Variants in LRRTM3 observed in about 807,000 individuals in gnomAD.
LRRTM3 encodes the protein leucine-rich repeat transmembrane neuronal protein 3.
Under a neutral mutation model 44.7 loss-of-function variants are expected in LRRTM3, and 24 were observed. The ratio of observed to expected loss-of-function variants is 0.54; its 90% CI spans 0.39 to 0.76. The LOEUF (loss-of-function observed/expected upper bound fraction) is 0.76, where lower values mean the gene tolerates loss of function less well. Among genes scored for constraint, LRRTM3 ranks in the 30% least tolerant of loss-of-function variants. The pLI is 0.00. For missense variants in LRRTM3, 587 were observed against 702.2 expected (o/e 0.84, Z 1.85); for synonymous variants, 277 against 278.7 (o/e 0.99, Z 0.06).
chr10:66,996,927 A>C (rs1851387517), intron 2 of LRRTM3, among the ~76,000 whole-genome samples: 1 of 152,100 alleles, frequency 6.6e-6, no homozygotes, highest in African/African-American at 2.4e-5. Context: ...TGTGAGTACT[A>C]CTGGTTTGTG....
chr10:67,076,139 G>C lies in LRRTM3; in HGVS notation c.1537-21448G>C, dbSNP rs187480028. 2.7e-3 allele frequency among the ~76,000 whole-genome samples: 411 copies of C among 152,298 alleles called. 1 individual carries two copies. Among genetic ancestry groups the C allele is most frequent in the African/African-American group, 9.2e-3 (384 of 41,554 alleles). ...GAGGGTGGACCTTTTAAGCTCCCCT[G>C]TATTACAAAGTGAATAATTTCAGAA... On this transcript the variant is annotated intron_variant, in intron 2 of 2. Coordinates refer to ENST00000361320, the MANE Select transcript of LRRTM3 (RefSeq NM_178011.5).
At chr10:67,021,217 GA>G (rs35352573) in intron 2 of LRRTM3, among the ~76,000 whole-genome samples, 19 of 151,490 alleles carry the variant, frequency 1.3e-4, no homozygotes, top group Admixed American at 2.6e-4. Flanking sequence ...ACAATACTGG[GA>G]AAAAAAAGCT....
At chr10:66,987,656 G>A (rs1311915469) in intron 2 of LRRTM3, among the ~76,000 whole-genome samples, 3 of 152,064 alleles carry the variant, frequency 2.0e-5, no homozygotes, top group African/African-American at 7.2e-5. Flanking sequence ...AGTTAACTTT[G>A]GAACACCATT....
chr10:67,031,027 A>C (rs556428811), intron 2 of LRRTM3, among the ~76,000 whole-genome samples: 1 of 152,114 alleles, frequency 6.6e-6, no homozygotes, highest in Non-Finnish European at 1.5e-5. Context: ...AAATAAATAA[A>C]TAACTTAGCT....
At chr10:67,022,940 A>AAAATAAAT (rs578243915) in intron 2 of LRRTM3, among the ~76,000 whole-genome samples, 1 of 152,130 alleles carries the variant, frequency 6.6e-6, no homozygotes, top group Non-Finnish European at 1.5e-5. Context: ...TGTGTCTCAA[A>AAAATAAAT]AAATAAATAA....
Position 67,100,997 on chromosome 10 carries a change from C to T in LRRTM3, c.*3201C>T, listed in dbSNP as rs760706333. Among the ~76,000 whole-genome samples the T allele has an allele frequency of 1.3e-5, 2 of 151,608 alleles. No homozygotes were observed. Among genetic ancestry groups the T allele is most frequent in the Non-Finnish European group, 3.0e-5 (2 of 67,768 alleles). ...TATATTTGACATGTTGTTTAGTAAT[C>T]CCTATTTTAATTCAATTCTCCATCT... is the stretch of plus-strand genomic sequence containing the variant. On this transcript the variant is annotated 3_prime_UTR_variant, in exon 3 of 3. Transcript: ENST00000361320.
intron 2 of LRRTM3, among the ~76,000 whole-genome samples, chr10:67,091,788 C>A (rs1484435923): frequency 6.6e-6 from 1 of 151,868 alleles, no homozygotes; most frequent in Admixed American, 6.6e-5. Context: ...AGTAGATGGG[C>A]AACAAGTAGA....
chr10:67,058,019 C>G (rs187552870), intron 2 of LRRTM3, among the ~76,000 whole-genome samples: 1 of 152,292 alleles, frequency 6.6e-6, no homozygotes, highest in Admixed American at 6.5e-5. Context: ...TTCCCCACAT[C>G]ATAGACACAC....
intron 2 of LRRTM3, chr10:67,052,749 CA>C (rs1855188566): frequency 6.6e-6 from 1 of 151,886 alleles, no homozygotes; most frequent in Non-Finnish European, 1.5e-5. Context: ...AGTTTTACTA[CA>C]AAAACAAACA....
intron 2 of LRRTM3, among the ~76,000 whole-genome samples, chr10:67,095,530 C>A (rs1857936342): frequency 1.3e-5 from 2 of 151,666 alleles, no homozygotes; most frequent in Non-Finnish European, 1.5e-5. Context: ...AGTCAGTAGC[C>A]TTGATACATT....
At chr10:67,079,717 G>A (rs1466015017) in intron 2 of LRRTM3, among the ~76,000 whole-genome samples, 3 of 151,806 alleles carry the variant, frequency 2.0e-5, no homozygotes, top group South Asian at 2.1e-4. Context: ...GCGTGGTGGC[G>A]GGCACCTGTA....
At chr10:67,040,200 G>C (rs1854305992) in intron 2 of LRRTM3, among the ~76,000 whole-genome samples, 1 of 152,028 alleles carries the variant, frequency 6.6e-6, no homozygotes, top group African/African-American at 2.4e-5. Flanking sequence ...TTAATGTTCT[G>C]AAGACACAGG....
intron 2 of LRRTM3, among the ~76,000 whole-genome samples, chr10:67,093,451 A>C (rs545117806): frequency 2.0e-5 from 3 of 151,860 alleles, no homozygotes; most frequent in Non-Finnish European, 4.4e-5. Flanking sequence ...AAATAGAGAG[A>C]GGTTACTGTG....
intron 2 of LRRTM3, among the ~76,000 whole-genome samples, chr10:67,068,177 G>T (rs71496030): frequency 3.3e-5 from 5 of 152,130 alleles, no homozygotes; most frequent in African/African-American, 4.8e-5. Context: ...AGAAGAGAAG[G>T]GGGGAAGGAT....
At chr10:66,992,132 C>T (rs1433023306) in intron 2 of LRRTM3, among the ~76,000 whole-genome samples, 1 of 152,170 alleles carries the variant, frequency 6.6e-6, no homozygotes, top group Non-Finnish European at 1.5e-5. Flanking sequence ...AATTTACATT[C>T]CAGCCAGCAG....
intron 2 of LRRTM3, among the ~76,000 whole-genome samples, chr10:66,932,117 C>T (rs1329517505): frequency 6.6e-6 from 1 of 152,114 alleles, no homozygotes; most frequent in East Asian, 1.9e-4. Context: ...CTCCCTCCCC[C>T]TTTTCAGCCA....
intron 2 of LRRTM3, among the ~76,000 whole-genome samples, chr10:67,069,795 A>G (rs1856332943): frequency 1.3e-5 from 2 of 152,126 alleles, no homozygotes; most frequent in African/African-American, 4.8e-5. Context: ...TACTGTATGA[A>G]TATTCAAATT....
rs1179521268 is a variant in LRRTM3 at position 67,097,600 on chromosome 10, T to C, written c.1550T>C (p.Met517Thr). The C allele has an allele frequency of 5.0e-6, 8 of 1,612,152 alleles. No individual in the cohort carries two copies. Among genetic ancestry groups the C allele is most frequent in the Non-Finnish European group, 5.1e-6 (6 of 1,178,780 alleles). The change falls in exon 3 of 3, where the codon ATG (methionine) becomes ACG (threonine). Residue 517 changes from methionine to threonine, a missense_variant. Transcript: ENST00000361320. ...ATTTTTCCCCAGATACCTTTATCAA[T>C]GAATGTGTCAACCTTTCTGGCATAC... is the stretch of plus-strand genomic sequence containing the variant. ...GSRECEIPLSMNVSTFLAYDQ... is the reference protein window; with the variant it reads ...GSRECEIPLSTNVSTFLAYDQ...
intron 2 of LRRTM3, among the ~76,000 whole-genome samples, chr10:66,952,041 C>T (rs1420312268): frequency 6.6e-6 from 1 of 152,172 alleles, no homozygotes; most frequent in Non-Finnish European, 1.5e-5. Flanking sequence ...CCGTGACATT[C>T]AGCAGCTAAG....
Sources: allele counts gnomAD v4.1 joint callset (sites outside exome capture counted in the v4.1 genomes callset), GRCh38; gene constraint gnomAD v4.1.1; transcripts MANE v1.5; gene names NCBI Gene and HGNC (gene_info 2026-07-23, HGNC 2026-07-21).